Variants in CDH12 observed in about 807,000 individuals in gnomAD.
The protein encoded by CDH12 is cadherin-12.
Under a neutral mutation model 74.1 loss-of-function variants are expected in CDH12, and 41 were observed. That is an observed-to-expected ratio of 0.55 (90% confidence interval 0.43 to 0.72). The LOEUF (loss-of-function observed/expected upper bound fraction) is 0.72, where lower values mean the gene tolerates loss of function less well. Ranked by LOEUF, CDH12 falls within the 30% of genes least tolerant of loss-of-function variation. The pLI, the probability that CDH12 is intolerant of heterozygous loss-of-function variation, is 0.00. For synonymous variants in CDH12, 399 were observed against 355.0 expected (o/e 1.12, Z -1.39); for missense variants, 945 against 977.2 (o/e 0.97, Z 0.44).
intron 1 of CDH12, among the ~76,000 whole-genome samples, chr5:22,664,848 T>G (rs1740531330): frequency 6.6e-6 from 1 of 152,164 alleles, no homozygotes; most frequent in South Asian, 2.1e-4. Flanking sequence ...TCAGCAACAA[T>G]TTATTATATT....
intron 6 of CDH12, among the ~76,000 whole-genome samples, chr5:21,970,926 A>C (rs1399317439): frequency 6.6e-6 from 1 of 150,662 alleles, no homozygotes; most frequent in African/African-American, 2.4e-5. Flanking sequence ...CTCCACCAAA[A>C]ATTTCATCTT....
At position 22,508,597 on chromosome 5, in the gene CDH12, G is replaced by A. The variant is rs147699548; in HGVS notation, c.-522-3233C>T. The stretch of plus-strand genomic sequence containing the variant: ...GCATTTGTCATCTGTTGTCTCTAAG[G>A]GCAGCCACTATAAGACCTCAAAAGA... On this transcript the variant is annotated intron_variant, in intron 1 of 14. Coordinates refer to ENST00000382254, the MANE Select transcript of CDH12 (RefSeq NM_004061.5). Among the ~76,000 whole-genome samples the A allele has an allele frequency of 7.0e-3, 1,070 of 152,106 alleles. 13 individuals carry two copies. Among genetic ancestry groups the A allele is most frequent in the African/African-American group, 0.024 (998 of 41,492 alleles).
At chr5:21,960,890 A>C (rs1241455147) in intron 6 of CDH12, among the ~76,000 whole-genome samples, 3 of 152,050 alleles carry the variant, frequency 2.0e-5, no homozygotes, top group African/African-American at 7.2e-5. Context: ...CAACGCAAAA[A>C]CCATTGTTTC....
At chr5:22,245,014 G>A (rs1752898724) in intron 3 of CDH12, among the ~76,000 whole-genome samples, 1 of 152,146 alleles carries the variant, frequency 6.6e-6, no homozygotes. Context: ...CCGCTGATAT[G>A]GTGGAGGCGC....
At chr5:22,773,825 G>A (rs1181315076) in intron 1 of CDH12, among the ~76,000 whole-genome samples, 1 of 151,900 alleles carries the variant, frequency 6.6e-6, no homozygotes, top group Non-Finnish European at 1.5e-5. Flanking sequence ...TATTAAAAAT[G>A]AGAAAAAGAC....
chr5:22,757,047 A>G (rs907087815), intron 1 of CDH12, among the ~76,000 whole-genome samples: 28 of 152,060 alleles, frequency 1.8e-4, no homozygotes, highest in South Asian at 2.1e-4. Flanking sequence ...TACTTCCTCA[A>G]TAGGGATTTA....
At chr5:21,933,119 G>A (rs1754919216) in intron 6 of CDH12, among the ~76,000 whole-genome samples, 1 of 151,864 alleles carries the variant, frequency 6.6e-6, no homozygotes, top group South Asian at 2.1e-4. Context: ...ACACACACGA[G>A]AGTTTAATAT....
chr5:21,794,938 T>C (rs1160209698), intron 10 of CDH12, among the ~76,000 whole-genome samples: 1 of 151,700 alleles, frequency 6.6e-6, no homozygotes, highest in African/African-American at 2.4e-5. Context: ...AGAAAATTAC[T>C]TTTATTTTTC....
At chr5:22,480,483 C>T (rs1746343888) in intron 2 of CDH12, among the ~76,000 whole-genome samples, 1 of 149,776 alleles carries the variant, frequency 6.7e-6, no homozygotes, top group Non-Finnish European at 1.5e-5. Context: ...ACTCAGGAGA[C>T]AAAAGACGGG....
chr5:22,639,447 T>G (rs1420723518), intron 1 of CDH12, among the ~76,000 whole-genome samples: 1 of 150,912 alleles, frequency 6.6e-6, no homozygotes, highest in Admixed American at 6.6e-5. Context: ...TTTTTTTTTT[T>G]TTTCAAATTT....
At chr5:21,899,329 G>T (rs942390728) in intron 6 of CDH12, among the ~76,000 whole-genome samples, 2 of 152,086 alleles carry the variant, frequency 1.3e-5, no homozygotes, top group Admixed American at 1.3e-4. Flanking sequence ...GATTTACCTT[G>T]CATTCCTCAT....
chr5:22,505,598 T>C (rs1736350824), intron 1 of CDH12, among the ~76,000 whole-genome samples: 1 of 152,078 alleles, frequency 6.6e-6, no homozygotes, highest in Non-Finnish European at 1.5e-5. Context: ...TTGTGATATA[T>C]AGTGATACAT....
intron 1 of CDH12, among the ~76,000 whole-genome samples, chr5:22,740,465 A>T (rs1015789432): frequency 2.0e-5 from 3 of 152,048 alleles, no homozygotes; most frequent in African/African-American, 7.2e-5. Flanking sequence ...AGGGTGAGTT[A>T]AAAGGCTACT....
intron 5 of CDH12, among the ~76,000 whole-genome samples, chr5:22,038,108 C>G (rs897246621): frequency 5.3e-5 from 8 of 152,186 alleles, no homozygotes; most frequent in East Asian, 3.9e-4. Flanking sequence ...TGCCCTACCC[C>G]CTGAGGCACA....
chr5:22,431,528 A>G (rs1744171757), intron 2 of CDH12, among the ~76,000 whole-genome samples: 1 of 152,222 alleles, frequency 6.6e-6, no homozygotes, highest in African/African-American at 2.4e-5. Flanking sequence ...TTTTACAAGT[A>G]TTTTAGAGTG....
At chr5:21,927,849 C>T (rs528852507) in intron 6 of CDH12, among the ~76,000 whole-genome samples, 24 of 151,988 alleles carry the variant, frequency 1.6e-4, no homozygotes, top group African/African-American at 5.3e-4. Context: ...GCAAGCGGAT[C>T]GTGAGGTCAG....
rs70959717 is a variant in CDH12, at chr5:22,343,283, T to TACACACACACAC, written c.-333+61962_-333+61973dup. 7.5e-3 allele frequency among the ~76,000 whole-genome samples: 695 copies of TACACACACACAC among 92,578 alleles called. 4 individuals are homozygous for TACACACACACAC. The highest frequency in any genetic ancestry group is 0.014 in the South Asian group (26 of 1,862). 60.7% of individuals were successfully genotyped at this position (92,578 alleles called of 152,430 possible). A position where few individuals can be genotyped will look rare whatever the true frequency, so the allele number is the denominator to read the frequency against. ...TAAATCACAGATAAAACATAAACCC[T>TACACACACACAC]ACACACACACACACACACACACACA... On this transcript the variant is annotated intron_variant, in intron 3 of 14. Transcript: ENST00000382254.
intron 6 of CDH12, chr5:21,884,079 A>T: frequency 7.0e-7 from 1 of 1,429,290 alleles, no homozygotes; most frequent in East Asian, 2.3e-5. Flanking sequence ...AATTATGCAA[A>T]ATTCCTCAGA....
intron 8 of CDH12, among the ~76,000 whole-genome samples, chr5:21,828,960 T>C (rs80218212): frequency 0.021 from 3,084 of 150,410 alleles, 112 homozygotes; most frequent in African/African-American, 0.072. Flanking sequence ...TAGGTATATA[T>C]TGTTTTTACT....
Sources: allele counts gnomAD v4.1 joint callset (sites outside exome capture counted in the v4.1 genomes callset), GRCh38; gene constraint gnomAD v4.1.1; transcripts MANE v1.5; gene names NCBI Gene and HGNC (gene_info 2026-07-23, HGNC 2026-07-21).